DYNLT2: variants seen among roughly 807,000 people sequenced by gnomAD.
DYNLT2 encodes the protein dynein light chain Tctex-type 2.
DYNLT2 carries 24 observed loss-of-function variants against 24.3 expected under a neutral mutation model. The ratio of observed to expected loss-of-function variants is 0.99; its 90% CI spans 0.71 to 1.39. The LOEUF (loss-of-function observed/expected upper bound fraction) is 1.39, where lower values mean the gene tolerates loss of function less well. DYNLT2 is among the 40% of genes most tolerant of loss of function. DYNLT2 has a pLI of 0.00. For synonymous variants in DYNLT2, 85 were observed against 85.4 expected (o/e 1.00, Z 0.03); for missense variants, 246 against 234.5 (o/e 1.05, Z -0.32).
chr6:169,747,455 A>G (rs1046167840), intron 1 of DYNLT2, among the ~76,000 whole-genome samples: 1 of 152,150 alleles, frequency 6.6e-6, no homozygotes, highest in Non-Finnish European at 1.5e-5. Flanking sequence ...GGCAACTTTA[A>G]GTTCTGTCAA....
In DYNLT2 at chr6:169,744,136, A is replaced by C. The variant is rs1331565729; in HGVS notation, c.259T>G (p.Tyr87Asp). 6.2e-7 allele frequency: 1 copy of C among 1,613,298 alleles called. No homozygotes were observed. The highest frequency in any genetic ancestry group is 2.2e-5 in the East Asian group (1 of 44,856). ...ALAKLKFANSYRMEPLKKFQA... is the reference protein window; with the variant it reads ...ALAKLKFANSDRMEPLKKFQA... ...AATTTCTTCAATGGCTCCATTCTAT[A>C]TGAATTAGCAAACTTTAATTTTGCC... Residue 87 changes from tyrosine to aspartate, a missense_variant, in exon 2 of 4, where the codon TAT (tyrosine) becomes GAT (aspartate). Coordinates refer to ENST00000366774, the MANE Select transcript of DYNLT2 (RefSeq NM_174910.3).
intron 1 of DYNLT2, among the ~76,000 whole-genome samples, chr6:169,746,550 G>A (rs111779794): frequency 4.5e-4 from 69 of 152,146 alleles, no homozygotes; most frequent in African/African-American, 1.6e-3. Context: ...TTGCTCATCC[G>A]TTCTTGCATG....
chr6:169,725,152 A>G, the DYNLT2 span: 23 of 398,642 alleles, frequency 5.8e-5, no homozygotes, highest in Middle Eastern at 1.3e-3. Flanking sequence ...GACCGCACTA[A>G]AAACAGCGGA....
the DYNLT2 span, among the ~76,000 whole-genome samples, chr6:169,728,811 T>A: frequency 6.6e-6 from 1 of 152,230 alleles, no homozygotes; most frequent in Non-Finnish European, 1.5e-5. Context: ...ATACTATTAA[T>A]CTTCTGTCTT....
downstream of DYNLT2, among the ~76,000 whole-genome samples, chr6:169,738,075 C>T (rs759333532): frequency 2.0e-5 from 3 of 152,234 alleles, no homozygotes; most frequent in Non-Finnish European, 4.4e-5. Flanking sequence ...TGAAGAGGCA[C>T]TCTGGCCGCA....
chr6:169,729,419 C>G, the DYNLT2 span, among the ~76,000 whole-genome samples: 23 of 152,170 alleles, frequency 1.5e-4, 1 homozygote, highest in Middle Eastern at 0.01. Context: ...TCTTTCTTGG[C>G]CAATTCCCTT....
At chr6:169,731,952 A>G in the DYNLT2 span, among the ~76,000 whole-genome samples, 503 of 152,322 alleles carry the variant, frequency 3.3e-3, 4 homozygotes, top group East Asian at 0.028. Context: ...TATAATTCTC[A>G]TTTTACAAAC....
the DYNLT2 span, among the ~76,000 whole-genome samples, chr6:169,728,754 A>G: frequency 1.6e-4 from 25 of 152,364 alleles, no homozygotes; most frequent in African/African-American, 6.0e-4. Context: ...AAACAAAAGA[A>G]AACAAAACAA....
chr6:169,747,781 GCTT>G (rs1789843036), intron 1 of DYNLT2, among the ~76,000 whole-genome samples: 1 of 152,040 alleles, frequency 6.6e-6, no homozygotes, highest in African/African-American at 2.4e-5. Context: ...TGTTTTTACT[GCTT>G]CTTCAATTTT....
At chr6:169,746,492 G>A (rs1260585343) in intron 1 of DYNLT2, among the ~76,000 whole-genome samples, 2 of 151,988 alleles carry the variant, frequency 1.3e-5, no homozygotes, top group Non-Finnish European at 2.9e-5. Context: ...GTTTTTTGAT[G>A]TGTAGCATTT....
At chr6:169,748,132 C>T (rs1160612360) in intron 1 of DYNLT2, among the ~76,000 whole-genome samples, 2 of 152,066 alleles carry the variant, frequency 1.3e-5, no homozygotes, top group African/African-American at 4.8e-5. Flanking sequence ...ATTCTTTCTC[C>T]ACCTCCACTC....
chr6:169,751,392 C>G lies in DYNLT2; in HGVS notation c.67G>C (p.Ala23Pro). 6.2e-7 allele frequency: 1 copy of G among 1,614,186 alleles called. No individual in the cohort carries two copies. The highest frequency in any genetic ancestry group is 8.5e-7 in the Non-Finnish European group (1 of 1,180,016). ...IQTPNQTPQQ[A>P]PVTPRKERRP... is the part of the protein sequence containing the mutation. ...CTTTCTTTCCTAGGCGTCACCGGAG[C>G]CTGCTGAGGGGTCTGGTTCGGGGTC... is the stretch of plus-strand genomic sequence containing the variant. Residue 23 changes from alanine (A) to proline (P), a missense_variant, in exon 1 of 4, where the codon GCT becomes CCT. By Grantham distance (27) the Ala-to-Pro change is conservative. Transcript: ENST00000366774.
intron 1 of DYNLT2, among the ~76,000 whole-genome samples, chr6:169,745,826 T>C (rs1789784892): frequency 1.3e-5 from 2 of 152,250 alleles, no homozygotes; most frequent in East Asian, 3.8e-4. Flanking sequence ...TTTTATCTTC[T>C]GAAAGAGATT....
the DYNLT2 span, among the ~76,000 whole-genome samples, chr6:169,731,251 C>T: frequency 3.9e-5 from 6 of 152,084 alleles, no homozygotes; most frequent in African/African-American, 1.4e-4. Flanking sequence ...CACCTGGAAT[C>T]CACTTAACCT....
Position 169,743,082 on chromosome 6 carries a change from T to C in DYNLT2, c.484A>G (p.Asn162Asp). Residue 162 changes from asparagine to aspartate, a missense_variant and splice_region_variant, in exon 3 of 4, where the codon AAT becomes GAT. By Grantham distance (23) the Asn-to-Asp change is conservative. Transcript: ENST00000366774. ...LFIQKTGQAI[N>D]IASRWIWDIA... ...TCCTGTATCAATGGGGTACTTACAT[T>C]TATTGCTTGGCCAGTCTTTTGAATA... The C allele has an allele frequency of 6.5e-7, 1 of 1,544,840 alleles. No individual in the cohort carries two copies. Among genetic ancestry groups the C allele is most frequent in the South Asian group, 1.3e-5 (1 of 79,278 alleles).
At chr6:169,740,571 G>C in intron 3 of DYNLT2, among the ~76,000 whole-genome samples, 1 of 152,144 alleles carries the variant, frequency 6.6e-6, no homozygotes, top group East Asian at 1.9e-4. Flanking sequence ...TGGGAATGGG[G>C]ATGTAGTGGC....
chr6:169,731,574 G>GT, the DYNLT2 span, among the ~76,000 whole-genome samples: 2 of 152,160 alleles, frequency 1.3e-5, no homozygotes, highest in South Asian at 4.2e-4. Context: ...GGACTTGTCT[G>GT]TTTTTTTCAC....
chr6:169,727,251 C>G, the DYNLT2 span, among the ~76,000 whole-genome samples: 2 of 152,296 alleles, frequency 1.3e-5, no homozygotes, highest in South Asian at 4.1e-4. Context: ...ATAGACAACT[C>G]TTCTGTGTAG....
chr6:169,740,634 C>T (rs1789657511), intron 3 of DYNLT2, among the ~76,000 whole-genome samples: 1 of 152,100 alleles, frequency 6.6e-6, no homozygotes, highest in African/African-American at 2.4e-5. Flanking sequence ...AGTCTTCCCA[C>T]CCTTTAAAGA....
Sources: allele counts gnomAD v4.1 joint callset (sites outside exome capture counted in the v4.1 genomes callset), GRCh38; gene constraint gnomAD v4.1.1; transcripts MANE v1.5; gene names NCBI Gene and HGNC (gene_info 2026-07-23, HGNC 2026-07-21).